ZDHHC15: variants seen among roughly 807,000 people sequenced by gnomAD.
ZDHHC15 encodes the protein palmitoyltransferase ZDHHC15.
In ZDHHC15, 19 loss-of-function variants were observed where a neutral mutation model predicts 31.7. That is an observed-to-expected ratio of 0.60 (90% CI 0.42 to 0.88). The LOEUF (loss-of-function observed/expected upper bound fraction) is 0.88. Ranked by LOEUF, ZDHHC15 falls within the 40% of genes least tolerant of loss-of-function variation. The pLI is 0.00. For missense variants in ZDHHC15, 209 were observed against 251.2 expected (o/e 0.83, Z 1.14); for synonymous variants, 103 against 90.0 (o/e 1.14, Z -0.82).
At chrX:75,505,928 T>C in intron 1 of ZDHHC15, 81 bp from the exon 2 acceptor site, 1 of 918,736 alleles carries the variant, frequency 1.1e-6, no homozygotes, top group Non-Finnish European at 1.6e-6. Flanking sequence ...TAGTTATATT[T>C]AAAAAGTCTT....
At position 75,454,990 on chromosome X, in the gene ZDHHC15, C is replaced by G. The variant is rs1248870374; in HGVS notation, c.259-4068G>C. ...GTCATCCCCATCAAGCTACCAATGA[C>G]TTTCTTCACAAAATTGGAAAAAACT... On this transcript the variant is annotated intron_variant, in intron 3 of 11. Coordinates refer to ENST00000373367, the MANE Select transcript of ZDHHC15 (RefSeq NM_144969.3). Among the ~76,000 whole-genome samples the G allele has an allele frequency of 6.3e-5, 7 of 111,364 alleles. No individual in the cohort carries two copies. The South Asian group carries it at 2.6e-3, about 42-fold the overall frequency.
At chrX:75,392,662 TAA>T (rs1489317118) in intron 10 of ZDHHC15, among the ~76,000 whole-genome samples, 2 of 112,408 alleles carry the variant, frequency 1.8e-5, no homozygotes, top group Non-Finnish European at 1.9e-5. Flanking sequence ...TACTATTACA[TAA>T]AGTTAACAAT....
intron 7 of ZDHHC15, among the ~76,000 whole-genome samples, chrX:75,426,318 A>G (rs577361624): frequency 8.9e-6 from 1 of 111,920 alleles, no homozygotes; most frequent in South Asian, 3.7e-4. Context: ...ATATAAAGTC[A>G]GTCCACAGTC....
intron 3 of ZDHHC15, among the ~76,000 whole-genome samples, chrX:75,464,867 T>A (rs1370215603): frequency 8.9e-6 from 1 of 111,825 alleles, no homozygotes; most frequent in Non-Finnish European, 1.9e-5. Flanking sequence ...TGGGCAAACC[T>A]GGAAGCATTT....
At chrX:75,519,019 C>A (rs1205398743) in intron 1 of ZDHHC15, among the ~76,000 whole-genome samples, 2 of 107,879 alleles carry the variant, frequency 1.9e-5, no homozygotes, top group Non-Finnish European at 3.8e-5. Flanking sequence ...AGACAGAATG[C>A]AGATTAATAA....
At position 75,463,007 on chromosome X, in the gene ZDHHC15, T is replaced by C. The variant is rs1337110024; in HGVS notation, c.259-12085A>G. Among the ~76,000 whole-genome samples, 3 of 110,699 alleles carry C rather than the reference T, an allele frequency of 2.7e-5. No individual in the cohort carries two copies. The Admixed American group carries it at 2.9e-4, about 11-fold the overall frequency. ...GGGTTTTTTAAATTAATCAAATAGA[T>C]AGACCACTAGCCAGACTAATAAAGA... On this transcript the variant is annotated intron_variant, in intron 3 of 11. Transcript: ENST00000373367.
intron 11 of ZDHHC15, among the ~76,000 whole-genome samples, chrX:75,373,926 G>GTTTTTTTTTTTTTTTCTTTTTTTTT (rs2083028362): frequency 2.0e-5 from 1 of 50,456 alleles, no homozygotes; most frequent in Non-Finnish European, 3.4e-5. Flanking sequence ...CATTCTTTCT[G>GTTTTTTTTTTTTTTTCTTTTTTTTT]TTTTTTTTTT....
intron 10 of ZDHHC15, among the ~76,000 whole-genome samples, chrX:75,386,572 C>T (rs2083182098): frequency 9.0e-6 from 1 of 110,792 alleles, no homozygotes; most frequent in Admixed American, 9.6e-5. Flanking sequence ...CTCCTGGGCT[C>T]AAGCGATCCT....
chrX:75,472,806 C>A (rs761137956), intron 3 of ZDHHC15, among the ~76,000 whole-genome samples: 1 of 112,115 alleles, frequency 8.9e-6, no homozygotes, highest in African/African-American at 3.2e-5. Flanking sequence ...CCACGGTCGA[C>A]CTGGCTATGG....
intron 3 of ZDHHC15, among the ~76,000 whole-genome samples, chrX:75,467,122 C>T (rs1045085427): frequency 4.5e-5 from 5 of 112,323 alleles, no homozygotes; most frequent in Non-Finnish European, 9.4e-5. Context: ...GAACTAAATA[C>T]TGCAAAGTAA....
At chrX:75,440,455 A>AT (rs1030103233) in intron 4 of ZDHHC15, among the ~76,000 whole-genome samples, 8 of 110,675 alleles carry the variant, frequency 7.2e-5, no homozygotes, top group African/African-American at 2.6e-4. Context: ...AATTTTTTGT[A>AT]TTTTTAGTAG....
chrX:75,495,495 G>A (rs1422731261), intron 2 of ZDHHC15, among the ~76,000 whole-genome samples: 2 of 110,404 alleles, frequency 1.8e-5, no homozygotes, highest in African/African-American at 3.3e-5. Context: ...TGTTTATTGC[G>A]GCACTATTCA....
intron 3 of ZDHHC15, among the ~76,000 whole-genome samples, chrX:75,454,086 A>T (rs1404710518): frequency 9.0e-6 from 1 of 111,730 alleles, no homozygotes. Flanking sequence ...ATAGGAAAAG[A>T]GGAAGTCAAA....
rs1602598868 is a variant in ZDHHC15, at chrX:75,421,960, C to A, written c.767G>T (p.Gly256Val). ...AAGGTTGAACCCATTTTTCTCTGGG[C>A]CACTTGTAAACACTGGAGTGCAGAA... ...EAFCTPVFTS[G>V]PEKNGFNLGF... is the part of the protein sequence containing the mutation. The change falls in exon 9 of 12, where the codon GGC (glycine) becomes GTC (valine). Residue 256 changes from glycine (G) to valine (V), a missense_variant. Transcript: ENST00000373367. The A allele has an allele frequency of 8.3e-7, 1 of 1,209,949 alleles. No homozygotes were observed.
intron 4 of ZDHHC15, among the ~76,000 whole-genome samples, chrX:75,444,319 G>A (rs1193473553): frequency 9.2e-6 from 1 of 108,260 alleles, no homozygotes; most frequent in African/African-American, 3.4e-5. Context: ...TCCTTTGTAG[G>A]GACATGGATG....
intron 2 of ZDHHC15, among the ~76,000 whole-genome samples, chrX:75,480,922 A>G (rs2084679519): frequency 9.0e-6 from 1 of 111,405 alleles, no homozygotes; most frequent in Admixed American, 9.6e-5. Context: ...CATTAAGAAT[A>G]TTTGTATTTA....
Position 75,423,806 on chromosome X carries a change from T to A in ZDHHC15, c.736+846A>T, listed in dbSNP as rs2083679348. Among the ~76,000 whole-genome samples, 4 of 109,078 alleles carry A rather than the reference T, an allele frequency of 3.7e-5. No homozygotes were observed. In the South Asian group the frequency reaches 1.6e-3, roughly 44 times the overall value. The allele number at this position is 109,078 out of a possible 115,157, so 94.7% of individuals were successfully genotyped here. Reference sequence around the variant, plus strand: ...TGAGCCATCATGTACGGCCAATAGATGCAAATACTTTCTTAGCTGTTAGCA... The same window carrying A: ...TGAGCCATCATGTACGGCCAATAGAAGCAAATACTTTCTTAGCTGTTAGCA... On this transcript the variant is annotated intron_variant, in intron 8 of 11. Coordinates refer to ENST00000373367, the MANE Select transcript of ZDHHC15 (RefSeq NM_144969.3).
rs377649832 is a variant in ZDHHC15, at chrX:75,460,639, GA to G, written c.259-9718del. 1.7e-4 allele frequency among the ~76,000 whole-genome samples: 18 copies of G among 106,958 alleles called. No individual in the cohort carries two copies. The South Asian group carries it at 3.3e-3, about 19-fold the overall frequency. 92.9% of individuals were successfully genotyped at this position (106,958 alleles called of 115,157 possible). On this transcript the variant is annotated intron_variant, in intron 3 of 11. Coordinates refer to ENST00000373367, the MANE Select transcript of ZDHHC15 (RefSeq NM_144969.3). Reference sequence around the variant, plus strand: ...CTTCACTGGTGATACATCCAGGTATGAAAAAAAAAATGAGGCAAGTAGGGTC... The same window carrying G: ...CTTCACTGGTGATACATCCAGGTATGAAAAAAAAATGAGGCAAGTAGGGTC...
chrX:75,431,433 A>T lies in ZDHHC15; in HGVS notation c.449+18T>A. ...CAGTGGCCAAGCCCAGCCCAGGGGA[A>T]ATATGGCCGTCACTTACATAGCACA... is the stretch of plus-strand genomic sequence containing the variant. On this transcript the variant is annotated intron_variant, in intron 5 of 11. Transcript: ENST00000373367. 3 of 1,203,181 alleles carry T rather than the reference A, an allele frequency of 2.5e-6. No homozygotes were observed. The highest frequency in any genetic ancestry group is 3.4e-6 in the Non-Finnish European group (3 of 890,910).
Sources: gnomAD v4.1 joint callset for allele counts (sites outside exome capture counted in the v4.1 genomes callset) on GRCh38, gnomAD v4.1.1 for gene constraint, MANE v1.5 for transcripts, NCBI Gene and HGNC (gene_info 2026-07-23, HGNC 2026-07-21) for gene names.